Variants in CPAMD8 observed in about 807,000 individuals in gnomAD.
The protein encoded by CPAMD8 is C3 and PZP-like alpha-2-macroglobulin domain-containing protein 8.
CPAMD8 carries 146 observed loss-of-function variants against 224.7 expected under a neutral mutation model. That is an observed-to-expected ratio of 0.65 (90% CI 0.57 to 0.75). CPAMD8 has a LOEUF of 0.75. CPAMD8 is among the 30% of genes least tolerant of loss of function. CPAMD8 has a pLI of 0.00. For missense variants in CPAMD8, 2,301 were observed against 2,537.5 expected (o/e 0.91, Z 2.00); for synonymous variants, 966 against 1,044.6 (o/e 0.92, Z 1.45).
chr19:16,961,387 C>T (rs2054649571), intron 18 of CPAMD8, among the ~76,000 whole-genome samples: 1 of 152,266 alleles, frequency 6.6e-6, no homozygotes, highest in Non-Finnish European at 1.5e-5. Context: ...GGGCGGGTCC[C>T]ACGCCCGCAG....
chr19:16,939,976 G>A (rs904285829), intron 22 of CPAMD8, among the ~76,000 whole-genome samples: 3 of 151,642 alleles, frequency 2.0e-5, no homozygotes, highest in Admixed American at 6.6e-5. Context: ...GCAATGGCGC[G>A]ATCTCGGTTC....
At chr19:16,917,402 G>A (rs2144860797) in intron 27 of CPAMD8, among the ~76,000 whole-genome samples, 1 of 152,224 alleles carries the variant, frequency 6.6e-6, no homozygotes, top group South Asian at 2.1e-4. Context: ...AGGTGTATGG[G>A]AACTCTGTTC....
intron 12 of CPAMD8, among the ~76,000 whole-genome samples, chr19:16,990,319 T>C (rs2055895807): frequency 6.6e-6 from 1 of 150,548 alleles, no homozygotes; most frequent in Non-Finnish European, 1.5e-5. Flanking sequence ...AGTGGGTGCA[T>C]ACCTATAATC....
intron 9 of CPAMD8, among the ~76,000 whole-genome samples, chr19:17,001,316 G>A (rs113142160): frequency 0.017 from 1,456 of 84,626 alleles, 13 homozygotes; most frequent in Non-Finnish European, 0.025. Flanking sequence ...GTAAGACTCC[G>A]TCTGAAAAAA....
At chr19:16,957,579 G>A (rs935829930) in intron 19 of CPAMD8, 9 of 370,446 alleles carry the variant, frequency 2.4e-5, no homozygotes, top group East Asian at 9.4e-5. Context: ...TAATGAGCTC[G>A]TTATACAAAC....
At chr19:16,969,590 G>A (rs1428309519) in intron 18 of CPAMD8, among the ~76,000 whole-genome samples, 1 of 152,064 alleles carries the variant, frequency 6.6e-6, no homozygotes. Flanking sequence ...CTTATAAAAG[G>A]GACTCTAGGC....
At chr19:16,969,173 G>A (rs1488517368) in intron 18 of CPAMD8, among the ~76,000 whole-genome samples, 1 of 152,184 alleles carries the variant, frequency 6.6e-6, no homozygotes, top group East Asian at 1.9e-4. Context: ...CAGCTCTCCT[G>A]ATTCATTTTC....
At chr19:16,947,767 C>A (rs2054154247) in intron 20 of CPAMD8, among the ~76,000 whole-genome samples, 1 of 152,100 alleles carries the variant, frequency 6.6e-6, no homozygotes, top group Admixed American at 6.5e-5. Flanking sequence ...ACTGCATACA[C>A]ATGTGCATGC....
At chr19:17,008,667 C>A in intron 6 of CPAMD8, 108 bp from the exon 7 acceptor site, 1 of 1,206,430 alleles carries the variant, frequency 8.3e-7, no homozygotes, top group African/African-American at 1.5e-5. Context: ...GTCAACCATG[C>A]AGCGAAGGTC....
Position 16,897,646 on chromosome 19 carries a change from TGTGGCAGGCCGCGGTGGGGGGCGGCA to T in CPAMD8, c.5065+19_5065+44del. 2 of 1,116,004 alleles carry T rather than the reference TGTGGCAGGCCGCGGTGGGGGGCGGCA, an allele frequency of 1.8e-6. No homozygotes were observed. Among genetic ancestry groups the T allele is most frequent in the Non-Finnish European group, 2.5e-6 (2 of 786,834 alleles). The allele number at this position is 1,116,004 out of a possible 1,614,324, so 69.1% of individuals were successfully genotyped here. A position where few individuals can be genotyped will look rare whatever the true frequency, so the allele number is the denominator to read the frequency against. ...TGGCGTCCGAGGGTGGGAGTCGGGGTGTGGCAGGCCGCGGTGGGGGGCGGCAGTGGCTCCGCGCACTCACCCGGGCC... is the reference window on the plus strand; with the variant it reads ...TGGCGTCCGAGGGTGGGAGTCGGGGTGTGGCTCCGCGCACTCACCCGGGCC... On this transcript the variant is annotated intron_variant, in intron 39 of 41. Coordinates refer to ENST00000443236, the MANE Select transcript of CPAMD8 (RefSeq NM_015692.5).
At position 17,026,785 on chromosome 19, in the gene CPAMD8, C is replaced by T. The variant is rs1421817128; in HGVS notation, c.-143G>A. 6.3e-6 allele frequency: 7 copies of T among 1,106,292 alleles called. No individual in the cohort carries two copies. The highest frequency in any genetic ancestry group is 7.7e-6 in the Non-Finnish European group (7 of 909,294). 68.5% of individuals were successfully genotyped at this position (1,106,292 alleles called of 1,614,324 possible). ...CCCGCGCAGTGCGCCCGGCGCCATG[C>T]GCCCCGCTCCGCGCCCGGCCAAGCT... On this transcript the variant is annotated 5_prime_UTR_variant, in exon 1 of 42. Transcript: ENST00000443236.
intron 15 of CPAMD8, among the ~76,000 whole-genome samples, chr19:16,976,612 T>C (rs974519630): frequency 2.1e-4 from 32 of 152,010 alleles, no homozygotes; most frequent in African/African-American, 7.8e-4. Context: ...CTGGCCTCGC[T>C]ACCTGGGTGA....
chr19:16,949,483 G>A (rs1179180439), intron 20 of CPAMD8, among the ~76,000 whole-genome samples: 1 of 152,198 alleles, frequency 6.6e-6, no homozygotes, highest in African/African-American at 2.4e-5. Flanking sequence ...TGGGACTGAA[G>A]CTAGGATTCT....
In CPAMD8 at chr19:16,940,783, C is replaced by T. The variant is rs572824436; in HGVS notation, c.2794-2337G>A. On this transcript the variant is annotated intron_variant, in intron 22 of 41. Transcript: ENST00000443236. ...CCTGCTAGGCCCGATGTGGCACCCA[C>T]GGGTCATTTGCTAAGCTAGGGGGCA... Among the ~76,000 whole-genome samples the T allele has an allele frequency of 3.9e-4, 60 of 152,266 alleles. 1 individual carries two copies. In the South Asian group the frequency reaches 6.4e-3, roughly 16 times the overall value.
intron 22 of CPAMD8, among the ~76,000 whole-genome samples, chr19:16,941,232 C>G (rs988455190): frequency 6.6e-6 from 1 of 152,208 alleles, no homozygotes; most frequent in Admixed American, 6.5e-5. Flanking sequence ...TGTGCCTGGC[C>G]TCATGGTAGC....
intron 23 of CPAMD8, among the ~76,000 whole-genome samples, chr19:16,930,728 A>G (rs1318827981): frequency 1.3e-5 from 2 of 152,078 alleles, no homozygotes; most frequent in Non-Finnish European, 2.9e-5. Flanking sequence ...TTGTGCAAAG[A>G]TACTGTTCCA....
In CPAMD8 at chr19:16,952,025, C is replaced by T. The variant is rs1001388479; in HGVS notation, c.2452G>A (p.Gly818Arg). The stretch of plus-strand genomic sequence containing the variant: ...CTGAGCGGGATCTTGACCTGCTCCC[C>T]ACGGATGATGAGAGCGGGGAGCATG... ...DFMLPALIIR[G>R]EQVKIPLSVY... Residue 818 changes from glycine (G) to arginine (R), a missense_variant, in exon 20 of 42, where the codon GGG becomes AGG. By Grantham distance (125) the Gly-to-Arg change is moderately radical (BLOSUM62 -2). This residue lies in a region of CPAMD8 where 1,709 missense variants were observed against 1,753.2 expected (regional missense o/e 0.97). Coordinates refer to ENST00000443236, the MANE Select transcript of CPAMD8 (RefSeq NM_015692.5). The T allele has an allele frequency of 6.3e-7, 1 of 1,585,470 alleles. No homozygotes were observed. Among genetic ancestry groups the T allele is most frequent in the East Asian group, 2.3e-5 (1 of 43,848 alleles).
chr19:16,993,318 GCTC>G, intron 12 of CPAMD8, 95 bp downstream of exon 12: 1 of 957,088 alleles, frequency 1.0e-6, no homozygotes. Flanking sequence ...GCTGGGACGG[GCTC>G]CAGGCCCACT....
Position 16,957,914 on chromosome 19 carries a change from T to G in CPAMD8, c.2215A>C (p.Thr739Pro). The G allele has an allele frequency of 6.2e-7, 1 of 1,613,228 alleles. No individual in the cohort carries two copies. Residue 739 changes from threonine to proline, a missense_variant and splice_region_variant, in exon 19 of 42, where the codon ACA becomes CCA. Around this residue, in one of 4 missense-constraint regions of CPAMD8, gnomAD observed 1,709 missense variants for 1,753.2 expected, o/e 0.97. Coordinates refer to ENST00000443236, the MANE Select transcript of CPAMD8 (RefSeq NM_015692.5). ...AAGAAAGTCCTTTTTCTCTTCTCTG[T>G]TCTATGAAAAGAAAAAAAGAAACGA... ...AVAPSRHPPR[T>P]EKRKRTFFPE...
Sources: gnomAD v4.1 joint callset for allele counts (sites outside exome capture counted in the v4.1 genomes callset) on GRCh38, gnomAD v4.1.1 for gene constraint, gnomAD v4.1.1 regional missense constraint, MANE v1.5 for transcripts, NCBI Gene and HGNC (gene_info 2026-07-23, HGNC 2026-07-21) for gene names.